TBL1X: variants seen among roughly 807,000 people sequenced by gnomAD.
TBL1X encodes F-box-like/WD repeat-containing protein TBL1X.
In TBL1X, 10 loss-of-function variants were observed where a neutral mutation model predicts 50.7. The ratio of observed to expected loss-of-function variants is 0.20; its 90% CI spans 0.12 to 0.33. TBL1X has a LOEUF of 0.33. Among genes scored for constraint, TBL1X ranks in the 10% least tolerant of loss-of-function variants. The probability of loss-of-function intolerance (pLI) is 1.00; values close to 1 mark genes in which losing one functional copy is unlikely to be tolerated. For missense variants in TBL1X, 340 were observed against 504.4 expected (o/e 0.67, Z 3.12); for synonymous variants, 190 against 214.7 (o/e 0.88, Z 1.01).
At chrX:9,491,753 A>T (rs1386026184) in intron 1 of TBL1X, among the ~76,000 whole-genome samples, 1 of 110,726 alleles carries the variant, frequency 9.0e-6, no homozygotes, top group Non-Finnish European at 1.9e-5. Context: ...TCTGTGTGGC[A>T]ATTAGGAGAA....
chrX:9,476,016 G>C (rs12689420), intron 1 of TBL1X, among the ~76,000 whole-genome samples: 1 of 112,198 alleles, frequency 8.9e-6, no homozygotes, highest in Non-Finnish European at 1.9e-5. Context: ...ATGCTCATCA[G>C]AATCTATGTA....
intron 2 of TBL1X, among the ~76,000 whole-genome samples, chrX:9,519,626 C>A (rs375182202): frequency 8.9e-6 from 1 of 111,892 alleles, no homozygotes. Flanking sequence ...AACATGTTTT[C>A]TTTTTGAGAC....
chrX:9,658,761 G>A (rs1197290227), intron 5 of TBL1X, among the ~76,000 whole-genome samples: 1 of 111,498 alleles, frequency 9.0e-6, no homozygotes, highest in East Asian at 2.8e-4. Context: ...CAAGATAATC[G>A]GGTGATACAT....
chrX:9,604,413 T>A (rs1476152103), intron 2 of TBL1X, among the ~76,000 whole-genome samples: 47 of 111,196 alleles, frequency 4.2e-4, no homozygotes, highest in African/African-American at 1.5e-3. Context: ...CCCCCCTTTT[T>A]TTTTTGCCAG....
chrX:9,586,501 G>C (rs751839354), intron 2 of TBL1X, among the ~76,000 whole-genome samples: 32 of 112,499 alleles, frequency 2.8e-4, no homozygotes, highest in African/African-American at 1.0e-3. Flanking sequence ...AGGTGAAATG[G>C]GGAATTGTTG....
chrX:9,519,450 C>T (rs1045777739), intron 2 of TBL1X, among the ~76,000 whole-genome samples: 2 of 111,231 alleles, frequency 1.8e-5, no homozygotes, highest in Non-Finnish European at 3.8e-5. Context: ...ATTTCAGTTA[C>T]GTTGTGGGCT....
At chrX:9,707,795 C>T (rs2083218485) in intron 13 of TBL1X, among the ~76,000 whole-genome samples, 1 of 112,097 alleles carries the variant, frequency 8.9e-6, no homozygotes, top group Non-Finnish European at 1.9e-5. Context: ...AGTCGGCCCC[C>T]TCCACCCTCC....
intron 2 of TBL1X, among the ~76,000 whole-genome samples, chrX:9,525,988 C>G (rs780577047): frequency 3.6e-5 from 4 of 111,144 alleles, no homozygotes; most frequent in Non-Finnish European, 7.5e-5. Flanking sequence ...GTTCCTGCCT[C>G]ATTTTTGTTT....
chrX:9,582,112 A>G (rs2082445889), intron 2 of TBL1X, among the ~76,000 whole-genome samples: 2 of 112,448 alleles, frequency 1.8e-5, no homozygotes, highest in African/African-American at 3.2e-5. Flanking sequence ...TACTGTGCTT[A>G]GTAGCAGAGC....
chrX:9,643,207 C>G (rs1168037496), intron 3 of TBL1X, among the ~76,000 whole-genome samples: 1 of 111,209 alleles, frequency 9.0e-6, no homozygotes, highest in African/African-American at 3.3e-5. Flanking sequence ...GTCTGGTTGT[C>G]ACCACTGGGG....
chrX:9,541,175 C>T (rs1302742197), intron 2 of TBL1X, among the ~76,000 whole-genome samples: 1 of 111,637 alleles, frequency 9.0e-6, no homozygotes, highest in East Asian at 2.8e-4. Flanking sequence ...CACAAATGAT[C>T]ATAAAGCCAT....
intron 12 of TBL1X, among the ~76,000 whole-genome samples, chrX:9,700,680 C>T (rs994938128): frequency 1.8e-5 from 2 of 111,617 alleles, no homozygotes; most frequent in Admixed American, 9.5e-5. Flanking sequence ...GTGGCTGTGG[C>T]AGGTTTGGTG....
At chrX:9,505,957 G>A (rs751519755) in intron 2 of TBL1X, among the ~76,000 whole-genome samples, 1 of 112,234 alleles carries the variant, frequency 8.9e-6, no homozygotes, top group South Asian at 3.6e-4. Context: ...GGACTTAGTA[G>A]AAGTCTACAG....
intron 2 of TBL1X, among the ~76,000 whole-genome samples, chrX:9,557,277 T>C (rs1439503643): frequency 8.9e-6 from 1 of 112,653 alleles, no homozygotes; most frequent in Non-Finnish European, 1.9e-5. Flanking sequence ...GGACTTGTTT[T>C]CTGAAACAGC....
intron 2 of TBL1X, among the ~76,000 whole-genome samples, chrX:9,521,353 A>T (rs1948087192): frequency 9.0e-6 from 1 of 111,496 alleles, no homozygotes; most frequent in Non-Finnish European, 1.9e-5. Context: ...GGTCCGGTAG[A>T]TGCAGGAACT....
At chrX:9,476,687 G>A (rs1367292882) in intron 1 of TBL1X, among the ~76,000 whole-genome samples, 1 of 112,014 alleles carries the variant, frequency 8.9e-6, no homozygotes, top group African/African-American at 3.2e-5. Flanking sequence ...GAATCTGTGA[G>A]TACACTAACC....
chrX:9,472,368 T>A (rs2081820755), intron 1 of TBL1X, among the ~76,000 whole-genome samples: 1 of 110,730 alleles, frequency 9.0e-6, no homozygotes, highest in Non-Finnish European at 1.9e-5. Flanking sequence ...CAAGTGATCC[T>A]TCTGCCTCAG....
intron 6 of TBL1X, among the ~76,000 whole-genome samples, chrX:9,685,584 C>T (rs1341206997): frequency 8.9e-6 from 1 of 111,819 alleles, no homozygotes; most frequent in African/African-American, 3.3e-5. Flanking sequence ...CCAGGATTCC[C>T]TCTGTCCCGT....
chrX:9,525,926 C>CCTTT (rs2082129768), intron 2 of TBL1X, among the ~76,000 whole-genome samples: 1 of 111,284 alleles, frequency 9.0e-6, no homozygotes. Flanking sequence ...CCTCTTTTTG[C>CCTTT]CTGAAAGGCT....
Sources: gnomAD v4.1 joint callset for allele counts (sites outside exome capture counted in the v4.1 genomes callset) on GRCh38, gnomAD v4.1.1 for gene constraint, MANE v1.5 for transcripts, NCBI Gene and HGNC (gene_info 2026-07-23, HGNC 2026-07-21) for gene names.